Variants in SVIL observed in about 807,000 individuals in gnomAD.
SVIL encodes the protein archvillin.
In SVIL, 101 loss-of-function variants were observed where a neutral mutation model predicts 240.4. The ratio of observed to expected loss-of-function variants is 0.42; its 90% CI spans 0.36 to 0.50. The LOEUF is 0.50. Ranked by LOEUF, SVIL falls within the 20% of genes least tolerant of loss-of-function variation. The pLI, the probability that SVIL is intolerant of heterozygous loss-of-function variation, is 0.01. For missense variants in SVIL, 2,512 were observed against 2,818.7 expected (o/e 0.89, Z 2.46); for synonymous variants, 999 against 1,100.0 (o/e 0.91, Z 1.82).
At chr10:29,509,360 A>AGAGAGAG (rs1949648964) in intron 17 of SVIL, among the ~76,000 whole-genome samples, 1 of 131,862 alleles carries the variant, frequency 7.6e-6, no homozygotes, top group Non-Finnish European at 1.6e-5. Flanking sequence ...AGAGAGAGAG[A>AGAGAGAG]GAGAGAGAGA....
chr10:29,714,720 G>A (rs535292313), intron 1 of SVIL, among the ~76,000 whole-genome samples: 2 of 152,194 alleles, frequency 1.3e-5, no homozygotes, highest in South Asian at 4.1e-4. Flanking sequence ...AGCTCTTTGG[G>A]ATGCTGAGGT....
rs143037469 is a variant in SVIL at position 29,646,662 on chromosome 10, T to C, written c.-201+11307A>G. Among the ~76,000 whole-genome samples the C allele has an allele frequency of 2.0e-3, 311 of 152,228 alleles. 1 individual carries two copies. The highest frequency in any genetic ancestry group is 4.4e-3 in the Admixed American group (68 of 15,288). On this transcript the variant is annotated intron_variant, in intron 3 of 35. Coordinates refer to the SVIL transcript ENST00000375400. The stretch of plus-strand genomic sequence containing the variant: ...GGATATGAAAATTACAGTAATCTAA[T>C]CTTGTAGAGGAAGAAGTATGAATCA...
At position 29,531,323 on chromosome 10, in the gene SVIL, T is replaced by C. The variant is rs111240900; in HGVS notation, c.2010-35A>G. ...ACATTAGCAAATAACAATAATACAT[T>C]AGCAGGTGGGAGCAGAAGATCGAAA... On this transcript the variant is annotated intron_variant, in intron 9 of 37. Coordinates refer to ENST00000355867, the MANE Select transcript of SVIL (RefSeq NM_021738.3). 17 of 1,590,660 alleles carry C rather than the reference T, an allele frequency of 1.1e-5. No homozygotes were observed. The African/African-American group carries it at 1.2e-4, about 11-fold the overall frequency.
intron 36 of SVIL, 42 bp from the exon 37 acceptor site, chr10:29,458,631 C>A: frequency 6.3e-7 from 1 of 1,591,914 alleles, no homozygotes; most frequent in Non-Finnish European, 8.5e-7. Flanking sequence ...TCGTGTCCTA[C>A]ATTTGAACTT....
chr10:29,690,750 C>G (rs1961435795), intron 1 of SVIL, among the ~76,000 whole-genome samples: 2 of 152,024 alleles, frequency 1.3e-5, no homozygotes, highest in African/African-American at 2.4e-5. Flanking sequence ...TTTTAATATC[C>G]TATTTCATTC....
chr10:29,484,325 G>C lies in SVIL; in HGVS notation c.4955+331C>G, dbSNP rs1480168141. Among the ~76,000 whole-genome samples the C allele has an allele frequency of 1.3e-5, 2 of 152,158 alleles. No individual in the cohort carries two copies. The highest frequency in any genetic ancestry group is 4.8e-5 in the African/African-American group (2 of 41,426). ...ATTCCAGACCCGGGGAAGCCTTTCA[G>C]ATCCGCATGTAATTTGTTTAAACAA... On this transcript the variant is annotated intron_variant, in intron 27 of 37. Coordinates refer to ENST00000355867, the MANE Select transcript of SVIL (RefSeq NM_021738.3). This position sits in a 1 kb window ranked among gnomAD's most constrained non-coding sequence, Gnocchi z 4.7.
intron 16 of SVIL, among the ~76,000 whole-genome samples, chr10:29,513,983 T>TAA (rs35208566): frequency 7.9e-6 from 1 of 127,114 alleles, no homozygotes; most frequent in East Asian, 2.7e-4. Context: ...AGATAAAAGG[T>TAA]AAAAAAAAAA....
Position 29,576,085 on chromosome 10 carries a change from A to G in SVIL, c.-200-6773T>C, listed in dbSNP as rs1041307237. 1.2e-4 allele frequency: 123 copies of G among 985,216 alleles called. No homozygotes were observed. In the African/African-American group the frequency reaches 2.0e-3, roughly 16 times the overall value. 61.0% of individuals were successfully genotyped at this position (985,216 alleles called of 1,614,324 possible). On this transcript the variant is annotated intron_variant, in intron 1 of 37. Coordinates refer to ENST00000355867, the MANE Select transcript of SVIL (RefSeq NM_021738.3). ...TTGAAATTGGATAAATTGATGAGCA[A>G]TCTGGTACCTGACTTTTCTCTCCCG... is the stretch of plus-strand genomic sequence containing the variant.
chr10:29,534,502 C>T (rs1951604646), intron 7 of SVIL, among the ~76,000 whole-genome samples: 2 of 152,044 alleles, frequency 1.3e-5, no homozygotes, highest in South Asian at 4.1e-4. Flanking sequence ...GGCTCTGTCC[C>T]TAAAAAACAA....
chr10:29,468,456 T>TAGG (rs10631423), intron 32 of SVIL, among the ~76,000 whole-genome samples: 71,294 of 151,488 alleles, frequency 0.47, 18,272 homozygotes, highest in African/African-American at 0.67. Context: ...GGTAGATATC[T>TAGG]AGTAGAGTTG....
chr10:29,588,472 G>A (rs539913507), intron 1 of SVIL, among the ~76,000 whole-genome samples: 2 of 152,262 alleles, frequency 1.3e-5, no homozygotes, highest in Admixed American at 1.3e-4. Context: ...GCTTCTCTGG[G>A]AAATGGAGTC....
chr10:29,507,597 C>CCACA (rs60592993), intron 17 of SVIL: 16,150 of 166,604 alleles, frequency 0.097, 910 homozygotes, highest in Non-Finnish European at 0.11. Context: ...AATTGTACTG[C>CCACA]CACACACACA....
At chr10:29,586,164 C>A (rs989198444) in intron 1 of SVIL, among the ~76,000 whole-genome samples, 2 of 152,338 alleles carry the variant, frequency 1.3e-5, no homozygotes, top group African/African-American at 4.8e-5. Flanking sequence ...ATTAACCACA[C>A]ACACTCATTA....
intron 1 of SVIL, among the ~76,000 whole-genome samples, chr10:29,575,698 T>C (rs1382219685): frequency 2.6e-5 from 4 of 152,212 alleles, no homozygotes; most frequent in Non-Finnish European, 5.9e-5. Flanking sequence ...TCCAAATAGA[T>C]AATTGAACTA....
At chr10:29,658,649 G>A (rs766154733) in intron 2 of SVIL, among the ~76,000 whole-genome samples, 6 of 152,158 alleles carry the variant, frequency 3.9e-5, no homozygotes, top group Non-Finnish European at 5.9e-5. Context: ...CCAGCTACAT[G>A]GGAGGCCAAG....
At chr10:29,640,677 G>A (rs942445347) in intron 3 of SVIL, among the ~76,000 whole-genome samples, 11 of 152,162 alleles carry the variant, frequency 7.2e-5, no homozygotes, top group African/African-American at 2.7e-4. Context: ...ACCCAAACCA[G>A]AAATCAGGGC....
intron 1 of SVIL, among the ~76,000 whole-genome samples, chr10:29,575,660 G>C (rs1161987528): frequency 6.6e-6 from 1 of 151,984 alleles, no homozygotes; most frequent in African/African-American, 2.4e-5. Flanking sequence ...GAGTGGAAGT[G>C]AGCGGCTACC....
At chr10:29,551,432 G>A (rs1311129905) in intron 5 of SVIL, among the ~76,000 whole-genome samples, 169 bp from the exon 6 acceptor site, 1 of 152,254 alleles carries the variant, frequency 6.6e-6, no homozygotes, top group Admixed American at 6.5e-5. Flanking sequence ...CTGGGCTGTT[G>A]AAGAAGTCTG....
At chr10:29,687,058 T>C (rs1961118855) in intron 1 of SVIL, among the ~76,000 whole-genome samples, 2 of 152,204 alleles carry the variant, frequency 1.3e-5, no homozygotes, top group African/African-American at 4.8e-5. Flanking sequence ...GAAGAGCTGT[T>C]ACTAGCATTA....
Sources: allele counts gnomAD v4.1 joint callset (sites outside exome capture counted in the v4.1 genomes callset), GRCh38; gene constraint gnomAD v4.1.1; non-coding constraint Gnocchi (gnomAD v3.1); transcripts MANE v1.5; gene names NCBI Gene and HGNC (gene_info 2026-07-23, HGNC 2026-07-21).